The following SOS1 variants were observed in gnomAD, a reference collection of about 807,000 sequenced individuals.
The protein encoded by SOS1 is SOS Ras/Rac guanine nucleotide exchange factor 1, also known as son of sevenless homolog 1.
Under a neutral mutation model 157.6 loss-of-function variants are expected in SOS1, and 25 were observed. The observed-to-expected ratio is 0.16, with a 90% CI of 0.12 to 0.22. The LOEUF (loss-of-function observed/expected upper bound fraction) is 0.22, where lower values mean the gene tolerates loss of function less well. SOS1 is among the 10% of genes least tolerant of loss of function. The pLI is 1.00. For missense variants in SOS1, 1,237 were observed against 1,599.1 expected (o/e 0.77, Z 3.86); for synonymous variants, 528 against 534.0 (o/e 0.99, Z 0.16).
intron 1 of SOS1, among the ~76,000 whole-genome samples, chr2:39,082,843 G>C (rs568330903): frequency 6.6e-6 from 1 of 152,254 alleles, no homozygotes; most frequent in South Asian, 2.1e-4. Context: ...TTGTACTTTG[G>C]GGCATACACG....
At chr2:39,110,039 C>CAT (rs1553371511) in intron 1 of SOS1, among the ~76,000 whole-genome samples, 3 of 135,514 alleles carry the variant, frequency 2.2e-5, no homozygotes, top group Admixed American at 7.4e-5. Context: ...TGTGTGTGTG[C>CAT]GTGTGTGTGT....
At chr2:39,086,985 G>C (rs1378585233) in intron 1 of SOS1, among the ~76,000 whole-genome samples, 1 of 152,066 alleles carries the variant, frequency 6.6e-6, no homozygotes, top group Non-Finnish European at 1.5e-5. Context: ...GCTAATTTTT[G>C]TATTTTTAGT....
chr2:39,003,071 A>AAAAAACAAAAAC lies in SOS1; in HGVS notation c.2791+3340_2791+3341insGTTTTTGTTTTT, dbSNP rs746140620. Reference sequence around the variant, plus strand: ...GATAAAGTGAGACCTTGTATCAAAAAAAAAAAAGAACGTAGGGGTAGGGGA... The same window carrying AAAAAACAAAAAC: ...GATAAAGTGAGACCTTGTATCAAAAAAAAAACAAAAACAAAAAAAGAACGTAGGGGTAGGGGA... On this transcript the variant is annotated intron_variant, in intron 17 of 22. Transcript: ENST00000402219. 2.2e-3 allele frequency among the ~76,000 whole-genome samples: 275 copies of AAAAAACAAAAAC among 126,278 alleles called. 7 individuals carry two copies. In the South Asian group the frequency reaches 0.034, roughly 15 times the overall value. 82.8% of individuals were successfully genotyped at this position (126,278 alleles called of 152,430 possible). A position where few individuals can be genotyped will look rare whatever the true frequency, so the allele number is the denominator to read the frequency against.
chr2:38,988,530 A>G (rs1179216928), intron 21 of SOS1, among the ~76,000 whole-genome samples: 4 of 152,086 alleles, frequency 2.6e-5, no homozygotes, highest in East Asian at 1.9e-4. Flanking sequence ...TTATTTTGTC[A>G]CATGTTATAA....
chr2:39,100,122 A>G (rs1476023643), intron 1 of SOS1, among the ~76,000 whole-genome samples: 1 of 152,232 alleles, frequency 6.6e-6, no homozygotes, highest in East Asian at 1.9e-4. Context: ...CCACAATGAG[A>G]TATCATCTCA....
intron 1 of SOS1, among the ~76,000 whole-genome samples, chr2:39,112,044 T>TC (rs1355825370): frequency 6.6e-6 from 1 of 152,044 alleles, no homozygotes; most frequent in Non-Finnish European, 1.5e-5. Context: ...TCTAATCACA[T>TC]CCCCTATCTA....
At position 39,120,794 on chromosome 2, in the gene SOS1, G is replaced by C. The variant is rs1673852011; in HGVS notation, c.-372C>G. ...ACTCCCGGGCCCGGTCTGGCCCCGC[G>C]GCGGAGCTGGCGGCTGGGGGAGGAC... On this transcript the variant is annotated 5_prime_UTR_variant, in exon 1 of 23. Coordinates refer to ENST00000402219, the MANE Select transcript of SOS1 (RefSeq NM_005633.4). Among the ~76,000 whole-genome samples, 1 of 149,622 alleles carries C rather than the reference G, an allele frequency of 6.7e-6. No individual in the cohort carries two copies. Among genetic ancestry groups the C allele is most frequent in the Non-Finnish European group, 1.5e-5 (1 of 67,286 alleles).
intron 5 of SOS1, among the ~76,000 whole-genome samples, chr2:39,053,013 C>T (rs1347659222): frequency 1.3e-5 from 2 of 152,104 alleles, no homozygotes; most frequent in East Asian, 1.9e-4. Flanking sequence ...ATGAGCCAGG[C>T]GTGGTGGCAC....
At position 39,099,117 on chromosome 2, in the gene SOS1, T is replaced by C. The variant is rs140734825; in HGVS notation, c.87+21219A>G. Among the ~76,000 whole-genome samples the C allele has an allele frequency of 3.9e-5, 6 of 152,260 alleles. No homozygotes were observed. The East Asian group carries it at 9.6e-4, about 24-fold the overall frequency. On this transcript the variant is annotated intron_variant, in intron 1 of 22. Coordinates refer to ENST00000402219, the MANE Select transcript of SOS1 (RefSeq NM_005633.4). ...AAAAAGACAAGTGTTGGTGAAAATA[T>C]AGAAACTGAAAGCCTTCCACACTGC...
chr2:39,074,728 A>G (rs967154181), intron 1 of SOS1, among the ~76,000 whole-genome samples: 4 of 151,604 alleles, frequency 2.6e-5, no homozygotes. Flanking sequence ...TTAGCCGGGT[A>G]TGGTGGCACG....
upstream of SOS1, among the ~76,000 whole-genome samples, chr2:39,122,400 A>G (rs930625223): frequency 2.0e-5 from 3 of 151,268 alleles, no homozygotes; most frequent in Non-Finnish European, 2.9e-5. Flanking sequence ...ACTGCACTCC[A>G]GCCTGGGCAA....
At chr2:39,102,480 G>A (rs1260086265) in intron 1 of SOS1, among the ~76,000 whole-genome samples, 1 of 119,230 alleles carries the variant, frequency 8.4e-6, no homozygotes, top group African/African-American at 3.2e-5. Context: ...GTAGAGAGCC[G>A]TGATCATACT....
In SOS1 at chr2:39,070,333, T is replaced by C. The variant is rs182673697; in HGVS notation, c.88-2580A>G. Among the ~76,000 whole-genome samples, 6 of 152,324 alleles carry C rather than the reference T, an allele frequency of 3.9e-5. No individual in the cohort carries two copies. The East Asian group carries it at 1.2e-3, about 29-fold the overall frequency. The stretch of plus-strand genomic sequence containing the variant: ...TATTTCTATCTGGTTCTCAGTCAAG[T>C]TCCTTTCATTTCTGAAACTCTTTCC... On this transcript the variant is annotated intron_variant, in intron 1 of 22. Transcript: ENST00000402219.
chr2:39,110,587 G>C (rs1270040542), intron 1 of SOS1, among the ~76,000 whole-genome samples: 2 of 151,348 alleles, frequency 1.3e-5, no homozygotes, highest in Non-Finnish European at 2.9e-5. Flanking sequence ...TCAACGGATA[G>C]TTCTGAAATA....
At chr2:39,004,441 T>A in intron 17 of SOS1, among the ~76,000 whole-genome samples, 1 of 142,222 alleles carries the variant, frequency 7.0e-6, no homozygotes, top group Non-Finnish European at 1.5e-5. Flanking sequence ...AAGTCCCATA[T>A]GTAAACAGGG....
intron 1 of SOS1, among the ~76,000 whole-genome samples, chr2:39,072,253 T>C (rs1671818465): frequency 6.6e-6 from 1 of 152,196 alleles, no homozygotes; most frequent in African/African-American, 2.4e-5. Context: ...GATAGTGATG[T>C]TCCAACTGGG....
intron 17 of SOS1, among the ~76,000 whole-genome samples, chr2:39,003,442 CT>C (rs1669177888): frequency 6.6e-6 from 1 of 152,166 alleles, no homozygotes; most frequent in Non-Finnish European, 1.5e-5. Flanking sequence ...ATTTTTAAAG[CT>C]TTGTTTGGGA....
intron 4 of SOS1, 60 bp downstream of exon 4, chr2:39,056,642 A>G: frequency 9.9e-7 from 1 of 1,013,586 alleles, no homozygotes; most frequent in Non-Finnish European, 1.6e-6. Flanking sequence ...ATAGTACGTT[A>G]GCATCTAATA....
intron 8 of SOS1, among the ~76,000 whole-genome samples, 168 bp from the exon 9 acceptor site, chr2:39,024,305 T>C (rs1272045073): frequency 6.6e-6 from 1 of 152,168 alleles, no homozygotes; most frequent in Admixed American, 6.5e-5. Context: ...TTACTATTAA[T>C]ACACAACCAA....
Sources: gnomAD v4.1 joint callset for allele counts (sites outside exome capture counted in the v4.1 genomes callset) on GRCh38, gnomAD v4.1.1 for gene constraint, MANE v1.5 for transcripts, NCBI Gene and HGNC (gene_info 2026-07-23, HGNC 2026-07-21) for gene names.